Variants in CRISP1 observed in about 807,000 individuals in gnomAD.
The protein encoded by CRISP1 is cysteine rich secretory protein 1, also known as cysteine-rich secretory protein 1.
A neutral mutation model predicts 33.1 loss-of-function variants in CRISP1; 44 were observed. The ratio of observed to expected loss-of-function variants is 1.33; its 90% CI spans 1.05 to 1.71. CRISP1 has a LOEUF of 1.71. Among genes scored for constraint, CRISP1 ranks in the 40% most tolerant of loss-of-function variants. The pLI, the probability that CRISP1 is intolerant of heterozygous loss-of-function variation, is 0.00. For synonymous variants in CRISP1, 103 were observed against 98.7 expected, an observed-to-expected ratio of 1.04 and a Z score of -0.26; for missense variants, 390 against 301.2, an observed-to-expected ratio of 1.29 and a Z score of -2.18.
intron 1 of CRISP1, among the ~76,000 whole-genome samples, chr6:49,874,159 G>T (rs1193556419): frequency 1.3e-5 from 2 of 151,890 alleles, no homozygotes; most frequent in Non-Finnish European, 1.5e-5. Context: ...TAGAACCTTA[G>T]CAAGCCAGAA....
chr6:49,871,870 G>C (rs756019642), intron 1 of CRISP1, among the ~76,000 whole-genome samples: 3 of 152,016 alleles, frequency 2.0e-5, no homozygotes, highest in African/African-American at 7.3e-5. Context: ...ATGTGTGCAC[G>C]TGTCTTTATA....
At chr6:49,850,744 G>GT (rs1771321459) in intron 3 of CRISP1, among the ~76,000 whole-genome samples, 1 of 152,048 alleles carries the variant, frequency 6.6e-6, no homozygotes, top group African/African-American at 2.4e-5. Flanking sequence ...TTTTTCCAGT[G>GT]TTTTTTCTGT....
chr6:49,847,674 C>T lies in CRISP1; in HGVS notation c.286+535G>A, dbSNP rs114138302. Reference sequence around the variant, plus strand: ...TTTCTTTACAGCAACACAAAAACAGCGTAACACAGAAGCAATAATGTTTTT... The same window carrying T: ...TTTCTTTACAGCAACACAAAAACAGTGTAACACAGAAGCAATAATGTTTTT... On this transcript the variant is annotated intron_variant, in intron 4 of 7. Transcript: ENST00000335847. Among the ~76,000 whole-genome samples the T allele has an allele frequency of 2.8e-3, 395 of 143,636 alleles. 3 individuals are homozygous for T. The highest frequency in any genetic ancestry group is 0.01 in the African/African-American group (379 of 37,644). 94.2% of individuals were successfully genotyped at this position (143,636 alleles called of 152,430 possible).
rs147319319 is a variant in CRISP1, at chr6:49,858,293, A to G, written c.-2-891T>C. Among the ~76,000 whole-genome samples the G allele has an allele frequency of 3.8e-3, 579 of 152,270 alleles. 3 individuals carry two copies. Among genetic ancestry groups the G allele is most frequent in the African/African-American group, 0.013 (547 of 41,554 alleles). On this transcript the variant is annotated intron_variant, in intron 1 of 7. Coordinates refer to ENST00000335847, the MANE Select transcript of CRISP1 (RefSeq NM_001131.3). ...AACTCTAGGATATTAATAAGTATAG[A>G]TTATTGAATTTGGTTGGCACCTTCT...
Position 49,846,539 on chromosome 6 carries a change from G to C in CRISP1, c.416C>G (p.Thr139Ser). 1 of 1,613,400 alleles carries C rather than the reference G, an allele frequency of 6.2e-7. No homozygotes were observed. Among genetic ancestry groups the C allele is most frequent in the Non-Finnish European group, 8.5e-7 (1 of 1,179,598 alleles). ...GEWTTTDDDI[T>S]TDHYTQIVWA... ...GGTTACCTGAGTGTAGTGGTCAGTA[G>C]TTATGTCATCATCCGTTGTTGTCCA... Residue 139 changes from threonine to serine, a missense_variant, in exon 5 of 8, where the codon ACT becomes AGT. By Grantham distance (58) the Thr-to-Ser change is moderately conservative (BLOSUM62 1). Coordinates refer to ENST00000335847, the MANE Select transcript of CRISP1 (RefSeq NM_001131.3).
In CRISP1 at chr6:49,857,283, A is replaced by G. The variant is rs2127475599; in HGVS notation, c.66+52T>C. ...ACATGGTGAATTGTATTAAAGTGTTAGCTCTTATCTTTATTTAGAAAGTAA... is the reference window on the plus strand; with the variant it reads ...ACATGGTGAATTGTATTAAAGTGTTGGCTCTTATCTTTATTTAGAAAGTAA... On this transcript the variant is annotated intron_variant, in intron 2 of 7. Transcript: ENST00000335847. 1.9e-6 allele frequency: 3 copies of G among 1,543,762 alleles called. No homozygotes were observed. In the East Asian group the frequency reaches 6.9e-5, roughly 35 times the overall value.
chr6:49,846,843 A>G (rs1156539520), intron 4 of CRISP1, among the ~76,000 whole-genome samples, 175 bp from the exon 5 acceptor site: 2 of 152,194 alleles, frequency 1.3e-5, no homozygotes, highest in African/African-American at 2.4e-5. Flanking sequence ...ATGAATGAGC[A>G]TGTGGTACTC....
upstream of CRISP1, among the ~76,000 whole-genome samples, chr6:49,867,280 A>G (rs1771820825): frequency 6.6e-6 from 1 of 152,108 alleles, no homozygotes; most frequent in Non-Finnish European, 1.5e-5. Context: ...ACTAGGTGTA[A>G]TCAGATGTTT....
intron 7 of CRISP1, among the ~76,000 whole-genome samples, chr6:49,837,322 A>T (rs1770831264): frequency 6.6e-6 from 1 of 151,720 alleles, no homozygotes; most frequent in South Asian, 2.1e-4. Flanking sequence ...TCTCTTCCCT[A>T]CTCTTCTTTC....
chr6:49,853,064 A>G (rs1349550783), intron 2 of CRISP1, among the ~76,000 whole-genome samples: 1 of 152,144 alleles, frequency 6.6e-6, no homozygotes, highest in Non-Finnish European at 1.5e-5. Flanking sequence ...ATTTATATCA[A>G]CAGTTTAGGG....
chr6:49,845,266 G>A (rs1434889600), intron 5 of CRISP1, among the ~76,000 whole-genome samples: 2 of 152,088 alleles, frequency 1.3e-5, no homozygotes, highest in East Asian at 3.9e-4. Context: ...TCTTGTCTCT[G>A]TCTCTATCCT....
chr6:49,836,256 A>G (rs1381619546), intron 7 of CRISP1, among the ~76,000 whole-genome samples: 1 of 152,098 alleles, frequency 6.6e-6, no homozygotes, highest in Non-Finnish European at 1.5e-5. Flanking sequence ...TTTTCCCATT[A>G]TATCTCTTAT....
chr6:49,861,967 A>G (rs1347295268), intron 1 of CRISP1, among the ~76,000 whole-genome samples: 2 of 152,134 alleles, frequency 1.3e-5, no homozygotes, highest in Admixed American at 6.6e-5. Context: ...AGAAAAGCTG[A>G]ATGTCTTTTC....
rs1444557900 is a variant in CRISP1 at position 49,834,987 on chromosome 6, G to T, written c.*329C>A. The T allele has an allele frequency of 5.5e-6, 1 of 181,110 alleles. No individual in the cohort carries two copies. The highest frequency in any genetic ancestry group is 2.4e-5 in the African/African-American group (1 of 42,524). The allele number at this position is 181,110 out of a possible 1,614,324, so 11.2% of individuals were successfully genotyped here. On this transcript the variant is annotated 3_prime_UTR_variant, in exon 8 of 8. Transcript: ENST00000335847. The stretch of plus-strand genomic sequence containing the variant: ...GTGGTTGAAAATATGGGGAAGGCGG[G>T]GGTGGGAGTTGAACCACATAAGACC...
upstream of CRISP1, among the ~76,000 whole-genome samples, chr6:49,867,916 C>T (rs1771835233): frequency 6.6e-6 from 1 of 152,120 alleles, no homozygotes; most frequent in Non-Finnish European, 1.5e-5. Flanking sequence ...CAAAAGAATG[C>T]TATTACTTCA....
intron 6 of CRISP1, among the ~76,000 whole-genome samples, chr6:49,839,482 T>A (rs1770915463): frequency 6.6e-6 from 1 of 151,802 alleles, no homozygotes; most frequent in Non-Finnish European, 1.5e-5. Flanking sequence ...AAGACAATTC[T>A]TACCCATGTA....
At chr6:49,839,444 C>T (rs1263819162) in intron 6 of CRISP1, among the ~76,000 whole-genome samples, 1 of 151,922 alleles carries the variant, frequency 6.6e-6, no homozygotes, top group African/African-American at 2.4e-5. Flanking sequence ...GAACAAGGCC[C>T]TATCTCAAAA....
At chr6:49,866,116 G>A (rs1035115601) in intron 1 of CRISP1, among the ~76,000 whole-genome samples, 6 of 152,030 alleles carry the variant, frequency 3.9e-5, no homozygotes, top group Non-Finnish European at 7.4e-5. Context: ...AGATGCCTAC[G>A]TTGTCATTTT....
chr6:49,864,053 T>G (rs1318809237), intron 1 of CRISP1, among the ~76,000 whole-genome samples: 2 of 152,170 alleles, frequency 1.3e-5, no homozygotes, highest in African/African-American at 4.8e-5. Flanking sequence ...CTTGCACCCC[T>G]TTCAGTCTGA....
Sources: gnomAD v4.1 joint callset for allele counts (sites outside exome capture counted in the v4.1 genomes callset) on GRCh38, gnomAD v4.1.1 for gene constraint, MANE v1.5 for transcripts, NCBI Gene and HGNC (gene_info 2026-07-23, HGNC 2026-07-21) for gene names.